DCAF6: variants seen among roughly 807,000 people sequenced by gnomAD.
DCAF6 encodes DDB1- and CUL4-associated factor 6.
A neutral mutation model predicts 125.1 loss-of-function variants in DCAF6; 54 were observed. That is an observed-to-expected ratio of 0.43 (90% CI 0.35 to 0.54). The LOEUF is 0.54. DCAF6 is among the 20% of genes least tolerant of loss of function. The pLI, the probability that DCAF6 is intolerant of heterozygous loss-of-function variation, is 0.01. For synonymous variants in DCAF6, 371 were observed against 390.4 expected, an observed-to-expected ratio of 0.95 and a Z score of 0.58; for missense variants, 934 against 1,161.7, an observed-to-expected ratio of 0.80 and a Z score of 2.85.
At chr1:167,881,416 C>T in the DCAF6 span, among the ~76,000 whole-genome samples, 1 of 152,184 alleles carries the variant, frequency 6.6e-6, no homozygotes, top group Admixed American at 6.5e-5. Flanking sequence ...ATTTCTTCAA[C>T]CCTCTCCAAA....
Position 167,942,071 on chromosome 1 carries a change from T to C in DCAF6, c.97+5063T>C, listed in dbSNP as rs577443643. Among the ~76,000 whole-genome samples the C allele has an allele frequency of 2.0e-5, 3 of 152,316 alleles. No individual in the cohort carries two copies. In the East Asian group the frequency reaches 5.8e-4, roughly 29 times the overall value. ...TCATTGTTTTAATTTGCATTTCTCT[T>C]TTTTTGTTTTTGAGACGGAGTTTCG... On this transcript the variant is annotated intron_variant, in intron 1 of 21. Coordinates refer to ENST00000367840, the MANE Select transcript of DCAF6 (RefSeq NM_001198956.2).
chr1:168,075,237 T>C (rs1176747442), intron 21 of DCAF6, 134 bp from the exon 22 acceptor site: 2 of 702,564 alleles, frequency 2.8e-6, no homozygotes, highest in East Asian at 6.3e-5. Flanking sequence ...TACTCTTTTA[T>C]TTGCCTCTAA....
chr1:167,991,283 G>C lies in DCAF6; in HGVS notation c.632G>C (p.Cys211Ser). The C allele has an allele frequency of 6.2e-7, 1 of 1,613,644 alleles. No individual in the cohort carries two copies. Among genetic ancestry groups the C allele is most frequent in the Non-Finnish European group, 8.5e-7 (1 of 1,179,872 alleles). The change falls in exon 6 of 22, where the codon TGT becomes TCT. Residue 211 changes from cysteine to serine, a missense_variant. Transcript: ENST00000367840. The stretch of plus-strand genomic sequence containing the variant: ...ATACCATATTACCTTGCTGTTGGTT[G>C]TTCTGACAGCTCAGTACGAATATAT... ...PPIPYYLAVGCSDSSVRIYDR... is the reference protein window; with the variant it reads ...PPIPYYLAVGSSDSSVRIYDR...
intron 11 of DCAF6, among the ~76,000 whole-genome samples, chr1:168,016,480 C>T (rs923828389): frequency 8.5e-5 from 13 of 152,118 alleles, no homozygotes; most frequent in Admixed American, 8.5e-4. Context: ...TTTCTTATTC[C>T]TCTATACGTA....
intron 3 of DCAF6, among the ~76,000 whole-genome samples, chr1:167,974,427 A>T (rs1272898570): frequency 2.0e-5 from 3 of 152,162 alleles, no homozygotes; most frequent in Non-Finnish European, 4.4e-5. Context: ...CTTTGATTTT[A>T]TGAAAATAAT....
the DCAF6 span, among the ~76,000 whole-genome samples, chr1:167,899,268 C>T: frequency 2.0e-5 from 3 of 152,190 alleles, no homozygotes; most frequent in Non-Finnish European, 4.4e-5. Context: ...GAGGAGCTGC[C>T]CTGGACTAAA....
At chr1:167,900,695 G>T in the DCAF6 span, among the ~76,000 whole-genome samples, 1 of 152,060 alleles carries the variant, frequency 6.6e-6, no homozygotes, top group African/African-American at 2.4e-5. Context: ...ATCACGCCTG[G>T]CTAATTTTTG....
Position 167,981,180 on chromosome 1 carries a change from A to G in DCAF6, c.438+6165A>G, listed in dbSNP as rs79209999. On this transcript the variant is annotated intron_variant, in intron 4 of 21. Coordinates refer to ENST00000367840, the MANE Select transcript of DCAF6 (RefSeq NM_001198956.2). ...TCTCCGCCTCCAAAGTGCTGGGCTT[A>G]CAGGCATGAGCCACCGCTCCCGGCC... Among the ~76,000 whole-genome samples, 696 of 152,276 alleles carry G rather than the reference A, an allele frequency of 4.6e-3. 8 individuals carry two copies. In the East Asian group the frequency reaches 0.058, roughly 13 times the overall value.
At chr1:167,971,414 T>C (rs777225430) in intron 3 of DCAF6, among the ~76,000 whole-genome samples, 5 of 152,206 alleles carry the variant, frequency 3.3e-5, no homozygotes, top group Non-Finnish European at 7.4e-5. Flanking sequence ...TGGAGCCCAC[T>C]AAGTCTTAGT....
In DCAF6 at chr1:167,966,314, A is replaced by T. The variant is rs965770430; in HGVS notation, c.160-315A>T. On this transcript the variant is annotated intron_variant, in intron 2 of 21. Transcript: ENST00000367840. ...GTCTAACACACGGCCCGTGGGCTGC[A>T]TGAGGCCCAGGACAGCTTTGAATGT... Among the ~76,000 whole-genome samples the T allele has an allele frequency of 2.0e-5, 3 of 152,344 alleles. No homozygotes were observed. In the East Asian group the frequency reaches 5.8e-4, roughly 29 times the overall value.
intron 2 of DCAF6, among the ~76,000 whole-genome samples, chr1:167,954,701 C>T (rs1674499537): frequency 6.6e-6 from 1 of 151,552 alleles, no homozygotes; most frequent in Admixed American, 6.6e-5. Flanking sequence ...ATCCGCCCGC[C>T]TCTGCCTCCC....
chr1:168,017,637 TCAG>T (rs1312423866), intron 11 of DCAF6, among the ~76,000 whole-genome samples: 2 of 152,156 alleles, frequency 1.3e-5, no homozygotes. Context: ...TTTATGAAAT[TCAG>T]CAGGAGGGTA....
the DCAF6 span, among the ~76,000 whole-genome samples, chr1:167,914,848 C>G: frequency 2.0e-5 from 3 of 152,220 alleles, no homozygotes; most frequent in Non-Finnish European, 4.4e-5. Flanking sequence ...AAGCCCCGCT[C>G]TGTAATTGTT....
intron 1 of DCAF6, among the ~76,000 whole-genome samples, chr1:167,937,477 C>G (rs979977707): frequency 6.6e-6 from 1 of 152,162 alleles, no homozygotes; most frequent in Non-Finnish European, 1.5e-5. Context: ...AGGGACTTCA[C>G]GCTCCAGACA....
chr1:167,959,355 G>T (rs927211506), intron 2 of DCAF6, among the ~76,000 whole-genome samples: 2 of 152,180 alleles, frequency 1.3e-5, no homozygotes, highest in African/African-American at 4.8e-5. Context: ...GGCAGGTGTT[G>T]GTGTGCACAT....
At chr1:168,030,591 A>T (rs1686952153) in intron 12 of DCAF6, among the ~76,000 whole-genome samples, 1 of 152,164 alleles carries the variant, frequency 6.6e-6, no homozygotes, top group African/African-American at 2.4e-5. Flanking sequence ...GGTAGGAGAG[A>T]TGTGAAGAGA....
chr1:168,044,157 G>A (rs1411366277), intron 14 of DCAF6, among the ~76,000 whole-genome samples: 1 of 152,068 alleles, frequency 6.6e-6, no homozygotes, highest in African/African-American at 2.4e-5. Flanking sequence ...GGAGGTTTTA[G>A]CTGAATGTCA....
chr1:167,970,257 C>G (rs1019713036), intron 3 of DCAF6, among the ~76,000 whole-genome samples: 2 of 151,968 alleles, frequency 1.3e-5, no homozygotes, highest in African/African-American at 4.8e-5. Flanking sequence ...AATGACGATC[C>G]CTTTGATGTA....
At position 168,055,658 on chromosome 1, in the gene DCAF6, A is replaced by G. The variant is rs1690603357; in HGVS notation, c.2300+4725A>G. Among the ~76,000 whole-genome samples, 5 of 104,098 alleles carry G rather than the reference A, an allele frequency of 4.8e-5. No homozygotes were observed. The South Asian group carries it at 1.5e-3, about 30-fold the overall frequency. The allele number at this position is 104,098 out of a possible 152,430, so 68.3% of individuals were successfully genotyped here. A position where few individuals can be genotyped will look rare whatever the true frequency, so the allele number is the denominator to read the frequency against. The stretch of plus-strand genomic sequence containing the variant: ...GTTTTTACCATGGATAATTTCATGA[A>G]TTCTGAACACTAGAGCCTAGTCTAA... On this transcript the variant is annotated intron_variant, in intron 17 of 21. Coordinates refer to ENST00000367840, the MANE Select transcript of DCAF6 (RefSeq NM_001198956.2).
Sources: allele counts gnomAD v4.1 joint callset (sites outside exome capture counted in the v4.1 genomes callset), GRCh38; gene constraint gnomAD v4.1.1; transcripts MANE v1.5; gene names NCBI Gene and HGNC (gene_info 2026-07-23, HGNC 2026-07-21).